The following MBD5 variants were observed in gnomAD, a reference collection of about 807,000 sequenced individuals.
MBD5 encodes the protein methyl-CpG-binding domain protein 5.
Under a neutral mutation model 117.3 loss-of-function variants are expected in MBD5, and 13 were observed. That is an observed-to-expected ratio of 0.11 (90% CI 0.07 to 0.18). The LOEUF (loss-of-function observed/expected upper bound fraction) is 0.18, where lower values mean the gene tolerates loss of function less well. Among genes scored for constraint, MBD5 ranks in the 10% least tolerant of loss-of-function variants. The pLI is 1.00. For missense variants in MBD5, 1,879 were observed against 2,093.8 expected, an observed-to-expected ratio of 0.90 and a Z score of 2.00; for synonymous variants, 727 against 766.4, an observed-to-expected ratio of 0.95 and a Z score of 0.85.
intron 1 of MBD5, among the ~76,000 whole-genome samples, chr2:148,161,313 C>T (rs1363005944): frequency 6.6e-6 from 1 of 152,112 alleles, no homozygotes; most frequent in Non-Finnish European, 1.5e-5. Context: ...ACCCATTGGA[C>T]TTAGCATCTC....
intron 4 of MBD5, among the ~76,000 whole-genome samples, chr2:148,454,333 T>C (rs560147911): frequency 3.9e-5 from 6 of 152,236 alleles, no homozygotes; most frequent in South Asian, 2.1e-4. Context: ...AATAGATGAA[T>C]AGTTGTATAA....
intron 1 of MBD5, among the ~76,000 whole-genome samples, chr2:148,030,339 A>T (rs1694004205): frequency 6.6e-6 from 1 of 152,146 alleles, no homozygotes. Context: ...AAAAACAACC[A>T]TGCAAAACTT....
chr2:148,418,204 A>G (rs931408484), intron 4 of MBD5, among the ~76,000 whole-genome samples: 2 of 152,088 alleles, frequency 1.3e-5, no homozygotes, highest in African/African-American at 4.8e-5. Context: ...CCTTTTTCAG[A>G]TGCATAGTTT....
intron 1 of MBD5, among the ~76,000 whole-genome samples, chr2:148,093,230 A>G (rs1029642394): frequency 1.3e-5 from 2 of 152,126 alleles, no homozygotes; most frequent in African/African-American, 4.8e-5. Flanking sequence ...CTTTTAAACT[A>G]ATATCCTAGA....
chr2:148,397,808 C>A (rs1704776031), intron 4 of MBD5, among the ~76,000 whole-genome samples: 1 of 148,086 alleles, frequency 6.8e-6, no homozygotes, highest in Non-Finnish European at 1.5e-5. Flanking sequence ...CCCTCTCCCC[C>A]TACCCCACAA....
chr2:148,268,262 G>A (rs1700905416), intron 3 of MBD5, among the ~76,000 whole-genome samples: 1 of 151,572 alleles, frequency 6.6e-6, no homozygotes, highest in African/African-American at 2.4e-5. Context: ...TTTTCCTTTT[G>A]TATAGCCTGG....
chr2:148,072,944 C>G (rs73007132), intron 1 of MBD5, among the ~76,000 whole-genome samples: 1 of 152,012 alleles, frequency 6.6e-6, no homozygotes, highest in African/African-American at 2.4e-5. Context: ...ATATCCAGCT[C>G]TAAAGTTTAG....
intron 5 of MBD5, among the ~76,000 whole-genome samples, chr2:148,461,914 C>A (rs2105564143): frequency 6.6e-6 from 1 of 152,242 alleles, no homozygotes; most frequent in East Asian, 1.9e-4. Context: ...TGCCTAAAAC[C>A]CTATTTCCTC....
rs1487878506 is a variant in MBD5, at chr2:148,489,731, T to C, written c.4099T>C (p.Leu1367=). The change falls in exon 11 of 14, where the codon TTA becomes CTA. Residue 1367 remains leucine (L), a synonymous_variant. Transcript: ENST00000642680. The stretch of plus-strand genomic sequence containing the variant: ...CTTCACTGCCTCAATTGGTGACCCA[T>C]TAAATCTCTCCAGTGCTGTCAGTGC... ...SAFTASIGDP[L]NLSSAVSAVI... 14 of 1,614,028 alleles carry C rather than the reference T, an allele frequency of 8.7e-6. No individual in the cohort carries two copies. Among genetic ancestry groups the C allele is most frequent in the South Asian group, 2.2e-5 (2 of 91,076 alleles).
intron 1 of MBD5, among the ~76,000 whole-genome samples, chr2:148,085,581 G>A (rs1381757497): frequency 1.3e-5 from 2 of 151,538 alleles, no homozygotes; most frequent in African/African-American, 2.4e-5. Context: ...AAAATTAGCC[G>A]GGCGTAGTGG....
At chr2:148,022,740 A>G (rs1328011181) in intron 1 of MBD5, among the ~76,000 whole-genome samples, 1 of 152,216 alleles carries the variant, frequency 6.6e-6, no homozygotes, top group African/African-American at 2.4e-5. Context: ...AATTTCTAAA[A>G]TATGTTTTCA....
intron 3 of MBD5, among the ~76,000 whole-genome samples, chr2:148,255,487 A>G (rs1165048438): frequency 6.6e-6 from 1 of 152,216 alleles, no homozygotes; most frequent in African/African-American, 2.4e-5. Context: ...TACAATGACC[A>G]ACCACTGGCA....
intron 4 of MBD5, among the ~76,000 whole-genome samples, chr2:148,358,984 G>T (rs963138394): frequency 6.6e-6 from 1 of 151,752 alleles, no homozygotes; most frequent in Non-Finnish European, 1.5e-5. Context: ...TCTTTTGACG[G>T]GGTGTGGTGG....
chr2:148,178,734 A>G lies in MBD5; in HGVS notation c.-890A>G, dbSNP rs1426251158. ...GAAGATGTCAGTTTCTACATGTGGG[A>G]AGTAGACATTGAAGGCTTTATGGTT... is the stretch of plus-strand genomic sequence containing the variant. On this transcript the variant is annotated 5_prime_UTR_variant, in exon 2 of 14. Transcript: ENST00000642680. The G allele has an allele frequency of 2.5e-6, 1 of 398,370 alleles. No individual in the cohort carries two copies. Among genetic ancestry groups the G allele is most frequent in the African/African-American group, 2.1e-5 (1 of 48,600 alleles). The allele number at this position is 398,370 out of a possible 1,614,324, so 24.7% of individuals were successfully genotyped here.
At position 148,044,888 on chromosome 2, in the gene MBD5, G is replaced by T. The variant is rs750777459; in HGVS notation, c.-925+23204G>T. ...CTCTACAAAGATTAAAATTTAGTTG[G>T]TGATTTCCCTGCTGCCTCTTATTTT... is the stretch of plus-strand genomic sequence containing the variant. On this transcript the variant is annotated intron_variant, in intron 1 of 13. Transcript: ENST00000642680. 3.4e-4 allele frequency: 51 copies of T among 151,958 alleles called. 1 individual carries two copies. The highest frequency in any genetic ancestry group is 8.9e-4 in the African/African-American group (37 of 41,376). 9.4% of individuals were successfully genotyped at this position (151,958 alleles called of 1,614,324 possible).
At chr2:148,207,992 G>A (rs1297014214) in intron 2 of MBD5, among the ~76,000 whole-genome samples, 1 of 152,138 alleles carries the variant, frequency 6.6e-6, no homozygotes, top group East Asian at 1.9e-4. Flanking sequence ...AGTTCTAGGG[G>A]CCAGGAGTCT....
intron 4 of MBD5, among the ~76,000 whole-genome samples, chr2:148,381,833 C>A (rs4635473): frequency 6.6e-6 from 1 of 151,908 alleles, no homozygotes; most frequent in Non-Finnish European, 1.5e-5. Flanking sequence ...AATTTTCAAC[C>A]CAGAATTTCA....
chr2:148,415,130 T>C (rs1178495606), intron 4 of MBD5, among the ~76,000 whole-genome samples: 2 of 152,216 alleles, frequency 1.3e-5, no homozygotes, highest in Non-Finnish European at 2.9e-5. Context: ...TATTTAGCAC[T>C]CCTTTAAGGA....
At chr2:148,419,931 C>A (rs1432960787) in intron 4 of MBD5, among the ~76,000 whole-genome samples, 1 of 152,112 alleles carries the variant, frequency 6.6e-6, no homozygotes, top group Non-Finnish European at 1.5e-5. Flanking sequence ...CTATCAGCTT[C>A]CCCAGAAGTT....
Sources: gnomAD v4.1 joint callset for allele counts (sites outside exome capture counted in the v4.1 genomes callset) on GRCh38, gnomAD v4.1.1 for gene constraint, MANE v1.5 for transcripts, NCBI Gene and HGNC (gene_info 2026-07-23, HGNC 2026-07-21) for gene names.